The following KEL variants were observed in gnomAD, a reference collection of about 807,000 sequenced individuals.
KEL encodes Kell metallo-endopeptidase (Kell blood group), also known as kell blood group glycoprotein.
A neutral mutation model predicts 99.5 loss-of-function variants in KEL; 96 were observed. The observed-to-expected ratio is 0.97, with a 90% CI of 0.82 to 1.14. The LOEUF is 1.14. KEL is among the 50% of genes most tolerant of loss of function. The pLI, the probability that KEL is intolerant of heterozygous loss-of-function variation, is 0.00. For missense variants in KEL, 926 were observed against 924.2 expected (o/e 1.00, Z -0.03); for synonymous variants, 355 against 354.8 (o/e 1.00, Z -0.01).
At chr7:142,958,453 G>A (rs1232502713) in intron 4 of KEL, 25 bp from the exon 5 acceptor site, 1 of 1,612,392 alleles carries the variant, frequency 6.2e-7, no homozygotes, top group Non-Finnish European at 8.5e-7. Context: ...TGGGAGTGAG[G>A]ACTAAACTCT....
intron 17 of KEL, 24 bp from the exon 18 acceptor site, chr7:142,942,553 G>A (rs1221930124): frequency 3.2e-6 from 5 of 1,539,974 alleles, no homozygotes; most frequent in Non-Finnish European, 4.5e-6. Context: ...GGTAGAGAAG[G>A]GCCATCAGGC....
At chr7:142,950,743 G>A (rs555161370) in intron 10 of KEL, among the ~76,000 whole-genome samples, 34 of 152,306 alleles carry the variant, frequency 2.2e-4, no homozygotes, top group African/African-American at 7.7e-4. Context: ...TCACGAAGTC[G>A]ATATTTACTA....
At position 142,943,546 on chromosome 7, in the gene KEL, T is replaced by C. The variant is rs61729033; in HGVS notation, c.1643A>G (p.His548Arg). The change falls in exon 15 of 19, where the codon CAT becomes CGT. Residue 548 changes from histidine to arginine, a missense_variant. Physicochemically the swap from His to Arg is conservative, Grantham distance 29. Transcript: ENST00000355265. ...DVNAYYSVSD[H>R]VVVFPAGLLQ... ...GAGTCCAGCTGGAAAGACTACCACA[T>C]GGTCAGATACCGAATAGTAAGCATT... 369 of 1,614,044 alleles carry C rather than the reference T, an allele frequency of 2.3e-4. 1 individual carries two copies. Among genetic ancestry groups the C allele is most frequent in the Non-Finnish European group, 2.6e-4 (301 of 1,180,028 alleles).
intron 10 of KEL, 159 bp from the exon 11 acceptor site, chr7:142,946,476 A>C (rs1796534048): frequency 1.5e-6 from 1 of 675,760 alleles, no homozygotes; most frequent in Admixed American, 2.1e-5. Context: ...CACATCACCG[A>C]TCAGTACAAG....
chr7:142,943,013 G>C lies in KEL; in HGVS notation c.1803C>G (p.Asn601Lys), dbSNP rs772178431. 1.9e-6 allele frequency: 3 copies of C among 1,614,076 alleles called. No individual in the cohort carries two copies. Among genetic ancestry groups the C allele is most frequent in the African/African-American group, 1.3e-5 (1 of 74,922 alleles). Residue 601 changes from asparagine to lysine, a missense_variant, in exon 17 of 19, where the codon AAC becomes AAG. Transcript: ENST00000355265. ...ACAGGTGAGCTTCCTGGAGGGCATGGTTGTCACAGGCGAGGCAGCCCCCAG... is the reference window on the plus strand; with the variant it reads ...ACAGGTGAGCTTCCTGGAGGGCATGCTTGTCACAGGCGAGGCAGCCCCCAG... ...LLPGGCLACD[N>K]HALQEAHLCL...
intron 7 of KEL, 38 bp downstream of exon 7, chr7:142,954,427 C>T (rs1242418907): frequency 1.9e-6 from 3 of 1,612,138 alleles, no homozygotes; most frequent in Admixed American, 1.7e-5. Context: ...TTTCTCCTGG[C>T]CTCAGAGGGC....
intron 18 of KEL, 82 bp downstream of exon 18, chr7:142,942,352 A>C: frequency 1.1e-6 from 1 of 922,948 alleles, no homozygotes; most frequent in Non-Finnish European, 1.7e-6. Flanking sequence ...GGAGTGTCTG[A>C]AGAGGGGACT....
At position 142,962,347 on chromosome 7, in the gene KEL, C is replaced by T. The variant is rs1796980694; in HGVS notation, c.-141G>A. The T allele has an allele frequency of 2.1e-6, 2 of 953,878 alleles. No individual in the cohort carries two copies. The highest frequency in any genetic ancestry group is 3.7e-5 in the Admixed American group (2 of 54,652). The allele number at this position is 953,878 out of a possible 1,614,324, so 59.1% of individuals were successfully genotyped here. ...ACTTCTGCTGCTCTTTCGCCTTGTC[C>T]CCAGACACACAGGACTGGCCTCTGG... On this transcript the variant is annotated 5_prime_UTR_variant, in exon 1 of 19. Coordinates refer to ENST00000355265, the MANE Select transcript of KEL (RefSeq NM_000420.3).
chr7:142,957,062 C>T (rs1041615425), intron 6 of KEL, among the ~76,000 whole-genome samples: 1 of 152,186 alleles, frequency 6.6e-6, no homozygotes, highest in Non-Finnish European at 1.5e-5. Flanking sequence ...TCTAAAGAGG[C>T]TCACAATCTT....
At chr7:142,954,620 T>C (rs1796781007) in intron 6 of KEL, 93 bp from the exon 7 acceptor site, 5 of 1,067,454 alleles carry the variant, frequency 4.7e-6, no homozygotes, top group Non-Finnish European at 5.9e-6. Context: ...GGAGATGGCC[T>C]TGGGAGATGG....
rs771458379 is a variant in KEL at position 142,952,562 on chromosome 7, C to T, written c.1150G>A (p.Ala384Thr). The T allele has an allele frequency of 8.7e-6, 14 of 1,614,038 alleles. No individual in the cohort carries two copies. The East Asian group carries it at 1.3e-4, about 15-fold the overall frequency. The change falls in exon 10 of 19, where the codon GCA becomes ACA. Residue 384 changes from alanine to threonine, a missense_variant. Transcript: ENST00000355265. Reference protein sequence around the residue: ...SPALDSQFQEARRKLSQKLRE... With the variant: ...SPALDSQFQETRRKLSQKLRE... The stretch of plus-strand genomic sequence containing the variant: ...AGTTTCTGGCTGAGCTTTCTGCGTG[C>T]CTCCTGGAATTGACTGTCCAGGGCT...
intron 11 of KEL, chr7:142,945,039 G>A (rs554999282): frequency 1.0e-5 from 5 of 479,826 alleles, no homozygotes; most frequent in East Asian, 8.0e-5. Flanking sequence ...CCTCACTCCT[G>A]GGGGCAGGAA....
intron 4 of KEL, among the ~76,000 whole-genome samples, chr7:142,958,756 CT>C (rs1432616925): frequency 6.6e-6 from 1 of 152,176 alleles, no homozygotes; most frequent in East Asian, 1.9e-4. Context: ...ATAGCTAGAT[CT>C]TTTGATTAAC....
chr7:142,946,350 G>A (rs1235866934), intron 10 of KEL, 33 bp from the exon 11 acceptor site: 6 of 1,504,186 alleles, frequency 4.0e-6, no homozygotes, highest in Non-Finnish European at 5.5e-6. Context: ...AGTGGCTCCT[G>A]TTCAGGACTC....
chr7:142,954,756 G>C (rs1206172021), intron 6 of KEL, among the ~76,000 whole-genome samples: 1 of 152,090 alleles, frequency 6.6e-6, no homozygotes, highest in Non-Finnish European at 1.5e-5. Flanking sequence ...AACCAGTGTG[G>C]GTGTGCCCAG....
At chr7:142,954,822 A>T (rs890168519) in intron 6 of KEL, among the ~76,000 whole-genome samples, 1 of 152,170 alleles carries the variant, frequency 6.6e-6, no homozygotes, top group Admixed American at 6.5e-5. Flanking sequence ...TGTCTCAGGA[A>T]CAGGGCCAGG....
chr7:142,953,795 A>G lies in KEL; in HGVS notation c.1073+13T>C. 2 of 1,613,594 alleles carry G rather than the reference A, an allele frequency of 1.2e-6. No homozygotes were observed. The highest frequency in any genetic ancestry group is 1.7e-6 in the Non-Finnish European group (2 of 1,179,912). On this transcript the variant is annotated intron_variant, in intron 9 of 18. Transcript: ENST00000355265. ...CCATTTCCATGATCTCCCCAATCCCACCTGCGGCGAACCTCTGCTTTAGCA... is the reference window on the plus strand; with the variant it reads ...CCATTTCCATGATCTCCCCAATCCCGCCTGCGGCGAACCTCTGCTTTAGCA...
intron 16 of KEL, 28 bp from the exon 17 acceptor site, chr7:142,943,072 C>T (rs1189242808): frequency 6.2e-7 from 1 of 1,612,720 alleles, no homozygotes; most frequent in Non-Finnish European, 8.5e-7. Context: ...AGAGAACATA[C>T]AGCAAGAGAA....
chr7:142,959,709 T>C (rs1183828499), intron 4 of KEL, among the ~76,000 whole-genome samples: 1 of 152,178 alleles, frequency 6.6e-6, no homozygotes, highest in Non-Finnish European at 1.5e-5. Flanking sequence ...CAAGTCTCTC[T>C]GAATCATCCA....
Sources: allele counts gnomAD v4.1 joint callset (sites outside exome capture counted in the v4.1 genomes callset), GRCh38; gene constraint gnomAD v4.1.1; transcripts MANE v1.5; gene names NCBI Gene and HGNC (gene_info 2026-07-23, HGNC 2026-07-21).